Variants in BMERB1 observed in about 807,000 individuals in gnomAD.
BMERB1 encodes bMERB domain-containing protein 1.
In BMERB1, 12 loss-of-function variants were observed where a neutral mutation model predicts 23.6. That is an observed-to-expected ratio of 0.51 (90% CI 0.33 to 0.82). The LOEUF is 0.82. Ranked by LOEUF, BMERB1 falls within the 40% of genes least tolerant of loss-of-function variation. The pLI, the probability that BMERB1 is intolerant of heterozygous loss-of-function variation, is 0.03. For missense variants in BMERB1, 247 were observed against 255.4 expected, an observed-to-expected ratio of 0.97 and a Z score of 0.22; for synonymous variants, 122 against 96.6, an observed-to-expected ratio of 1.26 and a Z score of -1.54.
intron 1 of BMERB1, among the ~76,000 whole-genome samples, chr16:15,472,442 G>C (rs939420791): frequency 6.6e-6 from 1 of 152,130 alleles, no homozygotes; most frequent in Non-Finnish European, 1.5e-5. Context: ...CTGTTGTTTG[G>C]TGCATACACA....
At chr16:15,507,636 A>C (rs1430017778) in intron 1 of BMERB1, among the ~76,000 whole-genome samples, 1 of 152,136 alleles carries the variant, frequency 6.6e-6, no homozygotes, top group Non-Finnish European at 1.5e-5. Context: ...CTCCTCGTGG[A>C]GACATTCCTT....
At position 15,523,981 on chromosome 16, in the gene BMERB1, G is replaced by A. The variant is rs1047681512; in HGVS notation, c.230+8553G>A. Among the ~76,000 whole-genome samples the A allele has an allele frequency of 4.6e-5, 7 of 152,076 alleles. No homozygotes were observed. The Middle Eastern group carries it at 0.014, about 298-fold the overall frequency. ...AACCATTAAGTGCAACTCTACCCTG[G>A]GGCCTTGATTTTATTATGATGATTA... On this transcript the variant is annotated intron_variant, in intron 2 of 5. Coordinates refer to ENST00000300006, the MANE Select transcript of BMERB1 (RefSeq NM_033201.3).
At chr16:15,451,224 G>A (rs2051038590) in intron 1 of BMERB1, among the ~76,000 whole-genome samples, 1 of 152,092 alleles carries the variant, frequency 6.6e-6, no homozygotes, top group African/African-American at 2.4e-5. Flanking sequence ...TCTCTGGAGC[G>A]AGTCTCACCC....
chr16:15,458,889 G>A (rs1303221189), intron 1 of BMERB1, among the ~76,000 whole-genome samples: 2 of 151,998 alleles, frequency 1.3e-5, no homozygotes, highest in African/African-American at 2.4e-5. Flanking sequence ...CGTGGATCAC[G>A]AGGTCAGGAG....
chr16:15,449,724 T>A (rs2051024699), intron 1 of BMERB1, among the ~76,000 whole-genome samples: 1 of 151,984 alleles, frequency 6.6e-6, no homozygotes, highest in African/African-American at 2.4e-5. Flanking sequence ...TTTTGTATTT[T>A]TACTAGAGAC....
intron 2 of BMERB1, 111 bp downstream of exon 2, chr16:15,515,539 C>T: frequency 2.2e-6 from 3 of 1,393,746 alleles, no homozygotes; most frequent in Non-Finnish European, 1.9e-6. Flanking sequence ...AGGCATTATG[C>T]ACGTTTTTAA....
chr16:15,494,976 C>T (rs369152344), intron 1 of BMERB1, among the ~76,000 whole-genome samples: 19 of 148,558 alleles, frequency 1.3e-4, no homozygotes, highest in African/African-American at 4.2e-4. Flanking sequence ...CTCTGCCTCC[C>T]GGGTTTAAGT....
At chr16:15,474,783 T>C (rs948062073) in intron 1 of BMERB1, among the ~76,000 whole-genome samples, 5 of 151,762 alleles carry the variant, frequency 3.3e-5, no homozygotes, top group Non-Finnish European at 7.4e-5. Flanking sequence ...CTGCCTCCGG[T>C]GTTCAAGCGA....
intron 2 of BMERB1, among the ~76,000 whole-genome samples, chr16:15,549,880 T>C (rs2030034175): frequency 6.6e-6 from 1 of 152,030 alleles, no homozygotes. Flanking sequence ...TTGGGAAAAA[T>C]GTCTATTTCC....
intron 1 of BMERB1, among the ~76,000 whole-genome samples, chr16:15,501,642 T>G (rs1030948566): frequency 1.3e-5 from 2 of 152,176 alleles, no homozygotes; most frequent in Non-Finnish European, 2.9e-5. Flanking sequence ...ACCTGGCTAA[T>G]TTTTGTATTT....
chr16:15,510,503 G>A (rs565884312), intron 1 of BMERB1, among the ~76,000 whole-genome samples: 14 of 152,194 alleles, frequency 9.2e-5, no homozygotes, highest in African/African-American at 2.9e-4. Flanking sequence ...GTGACGTGCC[G>A]GGGTAATTCA....
At chr16:15,470,178 G>A (rs2051216815) in intron 1 of BMERB1, among the ~76,000 whole-genome samples, 1 of 152,076 alleles carries the variant, frequency 6.6e-6, no homozygotes, top group East Asian at 1.9e-4. Context: ...GAGACTTTTT[G>A]TACTACATGA....
chr16:15,435,684 G>A (rs2050881994), intron 1 of BMERB1, among the ~76,000 whole-genome samples: 1 of 152,194 alleles, frequency 6.6e-6, no homozygotes, highest in African/African-American at 2.4e-5. Context: ...GCCCCAGCAC[G>A]GATCTCTGAG....
chr16:15,580,820 C>T (rs1014199994), intron 3 of BMERB1, among the ~76,000 whole-genome samples: 5 of 152,176 alleles, frequency 3.3e-5, no homozygotes, highest in Non-Finnish European at 5.9e-5. Context: ...GCTGGGATTA[C>T]AGGTGTGAGC....
rs538377803 is a variant in BMERB1 at position 15,454,766 on chromosome 16, T to G, written c.106+20007T>G. Among the ~76,000 whole-genome samples, 10 of 147,756 alleles carry G rather than the reference T, an allele frequency of 6.8e-5. No homozygotes were observed. In the South Asian group the frequency reaches 1.1e-3, roughly 16 times the overall value. ...AAGATTGTGCCACTGCACTCCAGCCTGGATGACAGAGTGAGACTCAGTCTA... is the reference window on the plus strand; with the variant it reads ...AAGATTGTGCCACTGCACTCCAGCCGGGATGACAGAGTGAGACTCAGTCTA... On this transcript the variant is annotated intron_variant, in intron 1 of 5. Transcript: ENST00000300006.
chr16:15,436,378 C>T (rs2050888486), intron 1 of BMERB1, among the ~76,000 whole-genome samples: 1 of 151,722 alleles, frequency 6.6e-6, no homozygotes, highest in Non-Finnish European at 1.5e-5. Flanking sequence ...CCTGCCTCAG[C>T]CTCCAGAGTA....
At chr16:15,527,200 C>A (rs1186089147) in intron 2 of BMERB1, among the ~76,000 whole-genome samples, 1 of 152,088 alleles carries the variant, frequency 6.6e-6, no homozygotes, top group African/African-American at 2.4e-5. Flanking sequence ...TCTTCCCAAA[C>A]TGAAACTCTG....
chr16:15,531,807 C>T (rs2051970640), intron 2 of BMERB1, among the ~76,000 whole-genome samples: 1 of 152,124 alleles, frequency 6.6e-6, no homozygotes, highest in Admixed American at 6.6e-5. Context: ...AGGGCTTGTC[C>T]CTATCACGTG....
At chr16:15,525,624 G>A (rs2150957449) in intron 2 of BMERB1, among the ~76,000 whole-genome samples, 1 of 151,582 alleles carries the variant, frequency 6.6e-6, no homozygotes, top group African/African-American at 2.4e-5. Context: ...AGAATCGCTT[G>A]AACTTGGGAG....
Sources: allele counts gnomAD v4.1 joint callset (sites outside exome capture counted in the v4.1 genomes callset), GRCh38; gene constraint gnomAD v4.1.1; transcripts MANE v1.5; gene names NCBI Gene and HGNC (gene_info 2026-07-23, HGNC 2026-07-21).